TRAPPC9: variants seen among roughly 807,000 people sequenced by gnomAD.
The protein encoded by TRAPPC9 is IKK2 binding protein.
In TRAPPC9, 83 loss-of-function variants were observed where a neutral mutation model predicts 124.0. The ratio of observed to expected loss-of-function variants is 0.67; its 90% CI spans 0.56 to 0.80. TRAPPC9 has a LOEUF of 0.80. TRAPPC9 is among the 30% of genes least tolerant of loss of function. The probability of loss-of-function intolerance (pLI) is 0.00; values close to 1 mark genes in which losing one functional copy is unlikely to be tolerated. For synonymous variants in TRAPPC9, 638 were observed against 617.5 expected (o/e 1.03, Z -0.49); for missense variants, 1,302 against 1,508.3 (o/e 0.86, Z 2.27).
At chr8:140,374,870 A>G (rs1563982498) in intron 7 of TRAPPC9, among the ~76,000 whole-genome samples, 2 of 152,234 alleles carry the variant, frequency 1.3e-5, no homozygotes, top group Admixed American at 1.3e-4. Flanking sequence ...GAAAGGTTGT[A>G]AATAATACTA....
At chr8:140,045,650 A>ACC (rs35608299) in intron 17 of TRAPPC9, among the ~76,000 whole-genome samples, 2 of 111,540 alleles carry the variant, frequency 1.8e-5, no homozygotes, top group African/African-American at 3.3e-5. Flanking sequence ...AAAAAAAAAA[A>ACC]AAAAAAAAAC....
chr8:139,812,800 C>T (rs375367418), intron 21 of TRAPPC9, among the ~76,000 whole-genome samples: 5 of 152,316 alleles, frequency 3.3e-5, no homozygotes, highest in African/African-American at 1.2e-4. Flanking sequence ...GCTTTGCCTT[C>T]CAGGGGCATG....
intron 17 of TRAPPC9, among the ~76,000 whole-genome samples, chr8:140,190,886 T>C (rs2062475692): frequency 6.6e-6 from 1 of 152,232 alleles, no homozygotes. Flanking sequence ...TTTGGAGGAC[T>C]ACAGCGTGTT....
At chr8:139,930,015 T>C (rs1286781742) in intron 19 of TRAPPC9, among the ~76,000 whole-genome samples, 1 of 151,032 alleles carries the variant, frequency 6.6e-6, no homozygotes, top group African/African-American at 2.4e-5. Context: ...GCACTGTGCG[T>C]GGATTCTGCC....
intron 17 of TRAPPC9, among the ~76,000 whole-genome samples, chr8:140,103,083 A>G (rs1473858823): frequency 6.6e-6 from 1 of 152,010 alleles, no homozygotes; most frequent in Non-Finnish European, 1.5e-5. Flanking sequence ...GCCGCTCCCC[A>G]CTCCCACAGC....
intron 9 of TRAPPC9, among the ~76,000 whole-genome samples, chr8:140,356,307 A>G (rs1294587864): frequency 6.6e-6 from 1 of 152,224 alleles, no homozygotes; most frequent in Non-Finnish European, 1.5e-5. Context: ...ACCTCCGAGC[A>G]CGTGGGGCTG....
In TRAPPC9 at chr8:139,917,167, C is replaced by CTTTTTTTTTTTTTTTTT. The variant is rs71318317; in HGVS notation, c.2811-6884_2811-6868dup. 1.9e-3 allele frequency among the ~76,000 whole-genome samples: 189 copies of CTTTTTTTTTTTTTTTTT among 99,930 alleles called. 10 individuals carry two copies. Among genetic ancestry groups the CTTTTTTTTTTTTTTTTT allele is most frequent in the African/African-American group, 3.8e-3 (88 of 23,236 alleles). The allele number at this position is 99,930 out of a possible 152,430, so 65.6% of individuals were successfully genotyped here. A position where few individuals can be genotyped will look rare whatever the true frequency, so the allele number is the denominator to read the frequency against. ...AGAAATCCTTCTTCATTATTATTTT[C>CTTTTTTTTTTTTTTTTT]TTTTTTTTTTTTTTTTTTTTTGTTG... On this transcript the variant is annotated intron_variant, in intron 19 of 22. Transcript: ENST00000438773.
intron 19 of TRAPPC9, among the ~76,000 whole-genome samples, chr8:139,982,311 G>A (rs1360193180): frequency 2.0e-5 from 3 of 152,174 alleles, no homozygotes; most frequent in Non-Finnish European, 4.4e-5. Context: ...GCGGGCGGTG[G>A]AGAACAGGTG....
At chr8:139,831,317 G>A (rs1215677352) in intron 21 of TRAPPC9, among the ~76,000 whole-genome samples, 4 of 152,068 alleles carry the variant, frequency 2.6e-5, no homozygotes, top group Non-Finnish European at 5.9e-5. Context: ...CTGGGTTTCC[G>A]GGGTGGAGAA....
chr8:139,863,826 A>G (rs1828335136), intron 21 of TRAPPC9, among the ~76,000 whole-genome samples: 1 of 152,192 alleles, frequency 6.6e-6, no homozygotes, highest in Non-Finnish European at 1.5e-5. Flanking sequence ...TCTGCCACTG[A>G]GGGGCACGGG....
intron 18 of TRAPPC9, among the ~76,000 whole-genome samples, chr8:140,001,364 T>C (rs1466982946): frequency 2.7e-5 from 4 of 150,122 alleles, no homozygotes; most frequent in Non-Finnish European, 5.9e-5. Context: ...ATTGTGCACA[T>C]GTACTCTAGA....
At position 140,122,174 on chromosome 8, in the gene TRAPPC9, A is replaced by C. The variant is rs184733699; in HGVS notation, c.2557-98095T>G. On this transcript the variant is annotated intron_variant, in intron 17 of 22. Coordinates refer to ENST00000438773, the MANE Select transcript of TRAPPC9 (RefSeq NM_001160372.4). ...AGATGCTGAGGTGCATTCTTCAGCC[A>C]ACAGCCAGCTAGAAACCAAAGCTCT... Among the ~76,000 whole-genome samples the C allele has an allele frequency of 1.6e-3, 248 of 152,288 alleles. 1 individual carries two copies. Among genetic ancestry groups the C allele is most frequent in the African/African-American group, 5.6e-3 (231 of 41,554 alleles).
chr8:139,975,971 G>T (rs929446914), intron 19 of TRAPPC9, among the ~76,000 whole-genome samples: 4 of 139,022 alleles, frequency 2.9e-5, no homozygotes, highest in Non-Finnish European at 4.6e-5. Context: ...CTCACTGCAG[G>T]CTTCACCCCC....
At chr8:139,734,643 T>C (rs1010503189) in intron 21 of TRAPPC9, among the ~76,000 whole-genome samples, 1 of 152,234 alleles carries the variant, frequency 6.6e-6, no homozygotes, top group African/African-American at 2.4e-5. Context: ...GTCCCATTCA[T>C]TCATTCCAAG....
chr8:139,826,680 G>A (rs568121468), intron 21 of TRAPPC9, among the ~76,000 whole-genome samples: 4 of 152,314 alleles, frequency 2.6e-5, no homozygotes, highest in South Asian at 2.1e-4. Flanking sequence ...GCTCTGGCTC[G>A]TGTGAAAGGC....
At chr8:139,971,124 C>T (rs1563651496) in intron 19 of TRAPPC9, among the ~76,000 whole-genome samples, 1 of 152,138 alleles carries the variant, frequency 6.6e-6, no homozygotes, top group Non-Finnish European at 1.5e-5. Flanking sequence ...AGATCAGCAC[C>T]CAGGCTCCCG....
chr8:139,862,912 G>A (rs751101302), intron 21 of TRAPPC9, among the ~76,000 whole-genome samples: 8 of 152,314 alleles, frequency 5.3e-5, no homozygotes, highest in Non-Finnish European at 8.8e-5. Context: ...GCCACCTTTC[G>A]ATCCGGTGGG....
chr8:140,433,119 T>C (rs1455822593), intron 4 of TRAPPC9, among the ~76,000 whole-genome samples: 3 of 150,342 alleles, frequency 2.0e-5, no homozygotes, highest in African/African-American at 7.4e-5. Flanking sequence ...CTGGCCAACA[T>C]GGCGAAACCT....
chr8:139,963,640 A>AAGCACACCTTCATGCTAC (rs140097839), intron 19 of TRAPPC9, among the ~76,000 whole-genome samples: 3,563 of 151,880 alleles, frequency 0.023, 59 homozygotes, highest in Non-Finnish European at 0.036. Flanking sequence ...CATGAAAATT[A>AAGCACACCTTCATGCTAC]AGCACACCTT....
Sources: gnomAD v4.1 joint callset for allele counts (sites outside exome capture counted in the v4.1 genomes callset) on GRCh38, gnomAD v4.1.1 for gene constraint, MANE v1.5 for transcripts, NCBI Gene and HGNC (gene_info 2026-07-23, HGNC 2026-07-21) for gene names.